FILIP1L: variants seen among roughly 807,000 people sequenced by gnomAD.
The protein encoded by FILIP1L is filamin A-interacting protein 1-like.
FILIP1L carries 55 observed loss-of-function variants against 96.6 expected under a neutral mutation model. The ratio of observed to expected loss-of-function variants is 0.57; its 90% CI spans 0.46 to 0.71. FILIP1L has a LOEUF of 0.71. FILIP1L is among the 30% of genes least tolerant of loss of function. The pLI is 0.00. For synonymous variants in FILIP1L, 467 were observed against 473.9 expected (o/e 0.99, Z 0.19); for missense variants, 1,304 against 1,321.2 (o/e 0.99, Z 0.20).
intron 1 of FILIP1L, among the ~76,000 whole-genome samples, chr3:99,968,927 G>C (rs1000386492): frequency 6.6e-6 from 1 of 151,698 alleles, no homozygotes; most frequent in African/African-American, 2.4e-5. Flanking sequence ...AGAAGGAAGG[G>C]TATGGTTTCT....
chr3:100,032,717 G>A (rs1463828395), intron 1 of FILIP1L, among the ~76,000 whole-genome samples: 3 of 152,162 alleles, frequency 2.0e-5, no homozygotes, highest in Admixed American at 1.3e-4. Flanking sequence ...TTTATGGGCA[G>A]TTGAATACAG....
chr3:99,906,253 G>A (rs1454925616), intron 4 of FILIP1L, among the ~76,000 whole-genome samples: 1 of 152,132 alleles, frequency 6.6e-6, no homozygotes, highest in African/African-American at 2.4e-5. Flanking sequence ...CTCCCTCGTT[G>A]TAAATTTAAT....
chr3:99,938,085 G>A (rs575711384), intron 1 of FILIP1L, among the ~76,000 whole-genome samples: 45 of 152,192 alleles, frequency 3.0e-4, no homozygotes, highest in Non-Finnish European at 4.9e-4. Flanking sequence ...GCGCGCGCGC[G>A]CGCGCGTGCA....
At chr3:100,064,843 A>G (rs1224867786) in intron 1 of FILIP1L, among the ~76,000 whole-genome samples, 3 of 152,094 alleles carry the variant, frequency 2.0e-5, no homozygotes, top group Non-Finnish European at 2.9e-5. Context: ...CCACACAGTA[A>G]AAAGATTGGT....
At chr3:100,063,294 A>T (rs2107350372) in intron 1 of FILIP1L, among the ~76,000 whole-genome samples, 1 of 152,304 alleles carries the variant, frequency 6.6e-6, no homozygotes, top group South Asian at 2.1e-4. Flanking sequence ...TAAAATTTTA[A>T]CAGAAAATTT....
chr3:100,033,003 C>G (rs1292842731), intron 1 of FILIP1L, among the ~76,000 whole-genome samples: 1 of 152,008 alleles, frequency 6.6e-6, no homozygotes, highest in African/African-American at 2.4e-5. Context: ...CCATATCCCC[C>G]TCACATGAAA....
At chr3:99,899,007 A>G (rs1706352173) in intron 4 of FILIP1L, among the ~76,000 whole-genome samples, 1 of 152,104 alleles carries the variant, frequency 6.6e-6, no homozygotes, top group African/African-American at 2.4e-5. Context: ...ATCACCTGAG[A>G]AGGCTGGAAC....
In FILIP1L at chr3:100,099,378, C is replaced by G. The variant is rs9843812; in HGVS notation, c.-11+14675G>C. ...TGCATATGTGCATTAAACGAGTAAG[C>G]TATCACTTTCCAAATTTTCTGATAA... On this transcript the variant is annotated intron_variant, in intron 1 of 5. Transcript: ENST00000477258. Among the ~76,000 whole-genome samples, 966 of 152,166 alleles carry G rather than the reference C, an allele frequency of 6.3e-3. 10 individuals carry two copies. The highest frequency in any genetic ancestry group is 0.022 in the African/African-American group (911 of 41,512).
chr3:100,016,621 A>G (rs1406406360), intron 1 of FILIP1L, among the ~76,000 whole-genome samples: 1 of 152,230 alleles, frequency 6.6e-6, no homozygotes, highest in Non-Finnish European at 1.5e-5. Flanking sequence ...ATACTTTGCC[A>G]TATGAATATG....
At chr3:99,868,111 T>C (rs1944611615) in intron 4 of FILIP1L, among the ~76,000 whole-genome samples, 1 of 152,194 alleles carries the variant, frequency 6.6e-6, no homozygotes, top group Non-Finnish European at 1.5e-5. Flanking sequence ...GATTCCAAAC[T>C]AGCTTTTAAG....
chr3:100,097,806 C>G (rs141976842), intron 1 of FILIP1L, among the ~76,000 whole-genome samples: 1 of 152,278 alleles, frequency 6.6e-6, no homozygotes, highest in East Asian at 1.9e-4. Context: ...AGGATTAGGC[C>G]TCCATTTCAA....
At chr3:99,934,246 G>T (rs182125340) in intron 1 of FILIP1L, among the ~76,000 whole-genome samples, 5 of 152,298 alleles carry the variant, frequency 3.3e-5, no homozygotes, top group Admixed American at 2.6e-4. Context: ...CATGGAAGAA[G>T]ATACAAGGCC....
At chr3:99,960,867 G>A (rs193077960) in intron 1 of FILIP1L, among the ~76,000 whole-genome samples, 1 of 152,250 alleles carries the variant, frequency 6.6e-6, no homozygotes, top group African/African-American at 2.4e-5. Context: ...TTTTTAATTG[G>A]TGTTTCTAAA....
intron 1 of FILIP1L, among the ~76,000 whole-genome samples, chr3:99,964,146 G>A (rs1229017196): frequency 2.0e-5 from 3 of 151,888 alleles, no homozygotes; most frequent in South Asian, 2.1e-4. Context: ...ATGCTCAGTA[G>A]GAAGTACATT....
At chr3:99,943,091 A>G (rs560328869) in intron 1 of FILIP1L, among the ~76,000 whole-genome samples, 20 of 152,176 alleles carry the variant, frequency 1.3e-4, no homozygotes, top group Non-Finnish European at 2.5e-4. Flanking sequence ...GCTTTGAAAT[A>G]TCCCTCAGCT....
chr3:100,007,619 A>G (rs761110785), intron 1 of FILIP1L, among the ~76,000 whole-genome samples: 8 of 152,184 alleles, frequency 5.3e-5, no homozygotes, highest in Non-Finnish European at 1.2e-4. Context: ...TGGCCCAGAA[A>G]GTGTACAGAT....
chr3:100,106,661 C>T (rs1217361465), intron 1 of FILIP1L, among the ~76,000 whole-genome samples: 1 of 152,156 alleles, frequency 6.6e-6, no homozygotes, highest in Non-Finnish European at 1.5e-5. Context: ...TATGCATGCT[C>T]ACCTGGCCTA....
chr3:99,965,783 G>C (rs1412197288), intron 1 of FILIP1L, among the ~76,000 whole-genome samples: 1 of 152,142 alleles, frequency 6.6e-6, no homozygotes, highest in African/African-American at 2.4e-5. Context: ...TTAGGGGGAG[G>C]GTGTTAAATG....
At chr3:100,002,407 C>A (rs144484360) in intron 1 of FILIP1L, among the ~76,000 whole-genome samples, 2 of 152,258 alleles carry the variant, frequency 1.3e-5, no homozygotes, top group African/African-American at 4.8e-5. Flanking sequence ...ACTGGAGTAT[C>A]TCTATAATCT....
Sources: allele counts gnomAD v4.1 joint callset (sites outside exome capture counted in the v4.1 genomes callset), GRCh38; gene constraint gnomAD v4.1.1; transcripts MANE v1.5; gene names NCBI Gene and HGNC (gene_info 2026-07-23, HGNC 2026-07-21).